NEGR1: variants seen among roughly 807,000 people sequenced by gnomAD.
The protein encoded by NEGR1 is IgLON family member 4.
NEGR1 carries 10 observed loss-of-function variants against 40.9 expected under a neutral mutation model. That is an observed-to-expected ratio of 0.24 (90% CI 0.15 to 0.42). NEGR1 has a LOEUF of 0.42. Among genes scored for constraint, NEGR1 ranks in the 10% least tolerant of loss-of-function variants. The pLI, the probability that NEGR1 is intolerant of heterozygous loss-of-function variation, is 1.00. For synonymous variants in NEGR1, 185 were observed against 166.8 expected (o/e 1.11, Z -0.84); for missense variants, 352 against 438.9 (o/e 0.80, Z 1.77).
chr1:72,102,449 CAT>C (rs1648983131), intron 1 of NEGR1, among the ~76,000 whole-genome samples: 1 of 151,950 alleles, frequency 6.6e-6, no homozygotes, highest in African/African-American at 2.4e-5. Context: ...CAGGAAATAA[CAT>C]ATGCTATAAC....
intron 1 of NEGR1, among the ~76,000 whole-genome samples, chr1:72,169,114 C>T (rs1404744797): frequency 6.6e-6 from 1 of 151,970 alleles, no homozygotes; most frequent in African/African-American, 2.4e-5. Context: ...ATTATTTTCT[C>T]CATACAAAAA....
rs550497348 is a variant in NEGR1 at position 71,780,368 on chromosome 1, C to A, written c.410-4071G>T. ...GGAAACAATTATTATAATATCCTCA[C>A]TATCTTCATTATATGATACCATAAA... On this transcript the variant is annotated intron_variant, in intron 2 of 6. Coordinates refer to ENST00000357731, the MANE Select transcript of NEGR1 (RefSeq NM_173808.3). 3.9e-5 allele frequency among the ~76,000 whole-genome samples: 6 copies of A among 152,284 alleles called. No homozygotes were observed. In the East Asian group the frequency reaches 9.7e-4, roughly 25 times the overall value.
At chr1:71,934,538 G>A (rs2100229130) in intron 2 of NEGR1, among the ~76,000 whole-genome samples, 1 of 152,236 alleles carries the variant, frequency 6.6e-6, no homozygotes, top group African/African-American at 2.4e-5. Flanking sequence ...CAGAGTATTT[G>A]AATGCTTGGA....
intron 1 of NEGR1, among the ~76,000 whole-genome samples, chr1:71,969,174 C>G (rs1000523882): frequency 2.6e-5 from 4 of 152,068 alleles, no homozygotes; most frequent in African/African-American, 9.7e-5. Flanking sequence ...GCCACCACGC[C>G]CAGCTAATTT....
chr1:72,187,241 C>T (rs1411522802), intron 1 of NEGR1, among the ~76,000 whole-genome samples: 1 of 151,418 alleles, frequency 6.6e-6, no homozygotes, highest in East Asian at 1.9e-4. Flanking sequence ...CCTTTAATAT[C>T]AAAATTTCTT....
chr1:71,413,562 G>T (rs1027815488), intron 6 of NEGR1, among the ~76,000 whole-genome samples: 1 of 152,162 alleles, frequency 6.6e-6, no homozygotes, highest in Non-Finnish European at 1.5e-5. Context: ...AGTCTCCTCT[G>T]ATTTGCAATT....
At chr1:72,201,343 C>T (rs1409044196) in intron 1 of NEGR1, among the ~76,000 whole-genome samples, 1 of 150,574 alleles carries the variant, frequency 6.6e-6, no homozygotes, top group Non-Finnish European at 1.5e-5. Context: ...TTTTATTTTA[C>T]ATCATATTTA....
At chr1:71,562,708 G>A (rs1648500366) in intron 6 of NEGR1, among the ~76,000 whole-genome samples, 1 of 151,838 alleles carries the variant, frequency 6.6e-6, no homozygotes, top group Admixed American at 6.6e-5. Context: ...ATTTGTGTAG[G>A]TAAAAGCAGT....
intron 2 of NEGR1, among the ~76,000 whole-genome samples, chr1:71,853,539 C>T (rs1012727925): frequency 9.2e-5 from 14 of 151,854 alleles, no homozygotes; most frequent in African/African-American, 3.4e-4. Flanking sequence ...ATGCCATGAG[C>T]TATGTAGCAC....
At chr1:71,433,095 G>C (rs1605262) in intron 6 of NEGR1, among the ~76,000 whole-genome samples, 1 of 152,152 alleles carries the variant, frequency 6.6e-6, no homozygotes, top group African/African-American at 2.4e-5. Context: ...TGCTTGAGTG[G>C]CAGGTGTGTT....
intron 1 of NEGR1, among the ~76,000 whole-genome samples, chr1:72,263,604 C>A (rs567230243): frequency 6.6e-6 from 1 of 151,536 alleles, no homozygotes; most frequent in East Asian, 1.9e-4. Flanking sequence ...CTTAAAATTG[C>A]TTCTTAAAAG....
intron 1 of NEGR1, among the ~76,000 whole-genome samples, chr1:72,145,884 C>G (rs1421411769): frequency 6.6e-6 from 1 of 152,040 alleles, no homozygotes; most frequent in Admixed American, 6.6e-5. Context: ...CTAACTCCAT[C>G]CATATGGAAG....
intron 1 of NEGR1, among the ~76,000 whole-genome samples, chr1:71,977,590 AT>A (rs1218399871): frequency 6.6e-6 from 1 of 152,062 alleles, no homozygotes; most frequent in Non-Finnish European, 1.5e-5. Context: ...ACCTACTTTT[AT>A]TTTTTGTAAC....
intron 6 of NEGR1, among the ~76,000 whole-genome samples, chr1:71,482,537 T>G (rs1167351846): frequency 6.6e-6 from 1 of 151,914 alleles, no homozygotes; most frequent in Non-Finnish European, 1.5e-5. Context: ...TAAGATAATT[T>G]TTATGCTCTT....
intron 5 of NEGR1, among the ~76,000 whole-genome samples, chr1:71,602,630 C>T (rs1570093315): frequency 6.6e-6 from 1 of 152,166 alleles, no homozygotes; most frequent in African/African-American, 2.4e-5. Context: ...GCTACATTTG[C>T]CCTGAAGTAT....
intron 1 of NEGR1, among the ~76,000 whole-genome samples, chr1:72,053,684 C>A (rs151094306): frequency 6.6e-6 from 1 of 150,988 alleles, no homozygotes; most frequent in African/African-American, 2.4e-5. Flanking sequence ...AATTAGCTAA[C>A]TTATACAGAT....
rs547043274 is a variant in NEGR1 at position 72,048,934 on chromosome 1, G to A, written c.177-113623C>T. 2.0e-5 allele frequency among the ~76,000 whole-genome samples: 3 copies of A among 151,596 alleles called. No homozygotes were observed. In the South Asian group the frequency reaches 6.2e-4, roughly 31 times the overall value. On this transcript the variant is annotated intron_variant, in intron 1 of 6. Coordinates refer to ENST00000357731, the MANE Select transcript of NEGR1 (RefSeq NM_173808.3). ...GGACTGATTTTCTATTCTAATGAAG[G>A]ATCCAGATAAGTAATCAGAAATATA...
At chr1:71,764,504 C>T (rs1355168486) in intron 3 of NEGR1, among the ~76,000 whole-genome samples, 1 of 151,764 alleles carries the variant, frequency 6.6e-6, no homozygotes, top group South Asian at 2.1e-4. Flanking sequence ...AAAGTAAATC[C>T]GAGTGATTTT....
chr1:72,086,495 G>T (rs931985844), intron 1 of NEGR1, among the ~76,000 whole-genome samples: 1 of 152,340 alleles, frequency 6.6e-6, no homozygotes, highest in South Asian at 2.1e-4. Context: ...TTACTCCGTT[G>T]TGTGGAATAT....
Sources: allele counts gnomAD v4.1 joint callset (sites outside exome capture counted in the v4.1 genomes callset), GRCh38; gene constraint gnomAD v4.1.1; transcripts MANE v1.5; gene names NCBI Gene and HGNC (gene_info 2026-07-23, HGNC 2026-07-21).